The following CLUAP1 variants were observed in gnomAD, a reference collection of about 807,000 sequenced individuals.
CLUAP1 encodes intraflagellar transport 38.
A neutral mutation model predicts 55.0 loss-of-function variants in CLUAP1; 50 were observed. The observed-to-expected ratio is 0.91, with a 90% CI of 0.72 to 1.15. The LOEUF (loss-of-function observed/expected upper bound fraction) is 1.15. CLUAP1 is among the 50% of genes most tolerant of loss of function. The probability of loss-of-function intolerance (pLI) is 0.00; values close to 1 mark genes in which losing one functional copy is unlikely to be tolerated. For synonymous variants in CLUAP1, 195 were observed against 175.4 expected (o/e 1.11, Z -0.88); for missense variants, 530 against 507.6 (o/e 1.04, Z -0.42).
rs2038288146 is a variant in CLUAP1 at position 3,538,828 on chromosome 16, GGATTCACATGTGC to G, written c.*2558_*2570del. The G allele has an allele frequency of 6.6e-6, 1 of 152,160 alleles. No individual in the cohort carries two copies. The highest frequency in any genetic ancestry group is 2.4e-5 in the African/African-American group (1 of 41,426). 9.4% of individuals were successfully genotyped at this position (152,160 alleles called of 1,614,324 possible). On this transcript the variant is annotated 3_prime_UTR_variant, in exon 12 of 12. Transcript: ENST00000576634. The stretch of plus-strand genomic sequence containing the variant: ...AGTGACCCATTGTAGAATGGATGCA[GGATTCACATGTGC>G]AAGTGCTTTGTGACCTGGCACCATT...
intron 11 of CLUAP1, chr16:3,533,189 GTGTC>G: frequency 6.6e-7 from 1 of 1,523,964 alleles, no homozygotes; most frequent in Non-Finnish European, 8.8e-7. Flanking sequence ...GTGTTTGTGG[GTGTC>G]TGTCAGCCCT....
chr16:3,527,193 A>G (rs2037961450), intron 9 of CLUAP1, among the ~76,000 whole-genome samples: 1 of 152,174 alleles, frequency 6.6e-6, no homozygotes, highest in African/African-American at 2.4e-5. Flanking sequence ...AAATAAGAAT[A>G]GTTATACTAG....
chr16:3,510,298 A>AT (rs562528367), intron 4 of CLUAP1, among the ~76,000 whole-genome samples: 1,989 of 129,634 alleles, frequency 0.015, 20 homozygotes, highest in Middle Eastern at 0.033. Context: ...CCGGCTTTGT[A>AT]TTTTTTTTTT....
At chr16:3,520,379 G>A (rs571861584) in intron 7 of CLUAP1, among the ~76,000 whole-genome samples, 3 of 151,970 alleles carry the variant, frequency 2.0e-5, no homozygotes, top group East Asian at 3.9e-4. Flanking sequence ...AACAGAACAA[G>A]GCCCTGACTC....
chr16:3,514,415 C>T (rs1490515090), intron 5 of CLUAP1, among the ~76,000 whole-genome samples: 2 of 151,668 alleles, frequency 1.3e-5, no homozygotes, highest in East Asian at 3.9e-4. Context: ...GAGGTGCAGC[C>T]TCAGCCACAG....
intron 4 of CLUAP1, among the ~76,000 whole-genome samples, chr16:3,509,740 G>C (rs1159811195): frequency 1.3e-5 from 2 of 152,246 alleles, no homozygotes; most frequent in African/African-American, 2.4e-5. Flanking sequence ...CTGCTGCAGG[G>C]AAGAAAGCTT....
the CLUAP1 span, among the ~76,000 whole-genome samples, chr16:3,495,712 C>G: frequency 1.3e-5 from 2 of 152,272 alleles, no homozygotes; most frequent in Middle Eastern, 3.4e-3. Context: ...CTGGAGAGTC[C>G]TTCTCTCAGG....
chr16:3,496,625 G>C (rs1017674162), upstream of CLUAP1: 1 of 532,342 alleles, frequency 1.9e-6, no homozygotes, highest in Non-Finnish European at 3.7e-6. Context: ...CCTACTCTCC[G>C]GTCTTCGCAA....
intron 6 of CLUAP1, among the ~76,000 whole-genome samples, chr16:3,518,781 C>T (rs997804796): frequency 1.3e-5 from 2 of 152,108 alleles, no homozygotes; most frequent in Non-Finnish European, 2.9e-5. Context: ...AGACCATAAA[C>T]GCATTGTCAG....
rs1049604443 is a variant in CLUAP1 at position 3,512,577 on chromosome 16, C to A, written c.495+99C>A. ...TTTTCAGTTCTGATTTAATGAAATA[C>A]ACCTGGTTGAATGAGCTAATGTGTG... On this transcript the variant is annotated intron_variant, in intron 5 of 11. Coordinates refer to ENST00000576634, the MANE Select transcript of CLUAP1 (RefSeq NM_015041.3). 9.8e-6 allele frequency: 9 copies of A among 916,874 alleles called. No individual in the cohort carries two copies. The Admixed American group carries it at 1.3e-4, about 13-fold the overall frequency. The allele number at this position is 916,874 out of a possible 1,614,324, so 56.8% of individuals were successfully genotyped here. A position where few individuals can be genotyped will look rare whatever the true frequency, so the allele number is the denominator to read the frequency against.
intron 1 of CLUAP1, among the ~76,000 whole-genome samples, chr16:3,501,518 C>G (rs534003189): frequency 1.1e-4 from 16 of 152,312 alleles, no homozygotes; most frequent in East Asian, 3.9e-4. Flanking sequence ...CGCGGTGGCT[C>G]ACGCCCGTAA....
chr16:3,515,570 A>C lies in CLUAP1; in HGVS notation c.558A>C (p.Arg186Ser), dbSNP rs1278103598. ...LEINETEKVM[R>S]IAIKEILTQV... ...TAAACGAGACTGAAAAAGTGATGAG[A>C]ATTGCAATAAAAGAGATTTTGGTAA... The change falls in exon 6 of 12, where the codon AGA becomes AGC. Residue 186 changes from arginine (R) to serine (S), a missense_variant. Coordinates refer to ENST00000576634, the MANE Select transcript of CLUAP1 (RefSeq NM_015041.3). 2 of 1,596,570 alleles carry C rather than the reference A, an allele frequency of 1.3e-6. No individual in the cohort carries two copies. The highest frequency in any genetic ancestry group is 1.8e-5 in the Admixed American group (1 of 54,116).
Position 3,501,106 on chromosome 16 carries a change from C to T in CLUAP1, c.22+17C>T. 3 of 1,585,508 alleles carry T rather than the reference C, an allele frequency of 1.9e-6. No homozygotes were observed. Among genetic ancestry groups the T allele is most frequent in the Non-Finnish European group, 2.6e-6 (3 of 1,171,512 alleles). On this transcript the variant is annotated intron_variant, in intron 1 of 11. Transcript: ENST00000576634. ...ACCTCCGCAGTAAGGCAGCCCCGCGCCCCTGTGACCTGCGGGTCTTCCAGA... is the reference window on the plus strand; with the variant it reads ...ACCTCCGCAGTAAGGCAGCCCCGCGTCCCTGTGACCTGCGGGTCTTCCAGA...
intron 11 of CLUAP1, chr16:3,533,046 T>C: frequency 2.0e-6 from 3 of 1,488,834 alleles, no homozygotes; most frequent in African/African-American, 2.8e-5. Flanking sequence ...GTGAATGTGC[T>C]TGCTCTGCTT....
intron 4 of CLUAP1, among the ~76,000 whole-genome samples, chr16:3,511,622 C>T (rs2037627012): frequency 6.6e-6 from 1 of 152,336 alleles, no homozygotes; most frequent in Non-Finnish European, 1.5e-5. Flanking sequence ...TGCCGTCAGG[C>T]ACCCTACTGT....
At chr16:3,514,641 G>A (rs941585559) in intron 5 of CLUAP1, among the ~76,000 whole-genome samples, 45 of 152,350 alleles carry the variant, frequency 3.0e-4, no homozygotes, top group Middle Eastern at 3.4e-3. Context: ...AGATTGGGAA[G>A]TTCTAGATGA....
chr16:3,518,112 A>G lies in CLUAP1; in HGVS notation c.580-1791A>G, dbSNP rs144820012. ...AAATACACGCTAAAGTATTCAGGGT[A>G]TTGGAACGTCTGGTCAGCAACTTAC... is the stretch of plus-strand genomic sequence containing the variant. On this transcript the variant is annotated intron_variant, in intron 6 of 11. Coordinates refer to ENST00000576634, the MANE Select transcript of CLUAP1 (RefSeq NM_015041.3). Among the ~76,000 whole-genome samples, 23 of 152,332 alleles carry G rather than the reference A, an allele frequency of 1.5e-4. No individual in the cohort carries two copies. In the East Asian group the frequency reaches 2.5e-3, roughly 17 times the overall value.
chr16:3,502,458 AAAGG>A (rs2037424777), intron 1 of CLUAP1, among the ~76,000 whole-genome samples: 1 of 151,878 alleles, frequency 6.6e-6, no homozygotes, highest in Non-Finnish European at 1.5e-5. Context: ...AAAAAAAAAA[AAAGG>A]AAAGGTAGAT....
intron 10 of CLUAP1, 27 bp downstream of exon 10, chr16:3,530,702 C>G: frequency 6.4e-7 from 1 of 1,562,734 alleles, no homozygotes; most frequent in East Asian, 2.2e-5. Flanking sequence ...CGCTGGACTT[C>G]CTCCCTGCGC....
Sources: allele counts gnomAD v4.1 joint callset (sites outside exome capture counted in the v4.1 genomes callset), GRCh38; gene constraint gnomAD v4.1.1; transcripts MANE v1.5; gene names NCBI Gene and HGNC (gene_info 2026-07-23, HGNC 2026-07-21).